Variants in PPARA observed in about 807,000 individuals in gnomAD.
The protein encoded by PPARA is peroxisome proliferator-activated receptor alpha.
In PPARA, 22 loss-of-function variants were observed where a neutral mutation model predicts 42.2. The observed-to-expected ratio is 0.52, with a 90% CI of 0.37 to 0.74. The LOEUF is 0.74. Ranked by LOEUF, PPARA falls within the 30% of genes least tolerant of loss-of-function variation. The pLI is 0.00. For synonymous variants in PPARA, 242 were observed against 239.3 expected (o/e 1.01, Z -0.10); for missense variants, 465 against 608.2 (o/e 0.76, Z 2.48).
In PPARA at chr22:46,230,419, T is replaced by A. The variant is rs1935788071; in HGVS notation, c.712-1373T>A. Among the ~76,000 whole-genome samples the A allele has an allele frequency of 6.6e-6, 1 of 152,162 alleles. No homozygotes were observed. Among genetic ancestry groups the A allele is most frequent in the Non-Finnish European group, 1.5e-5 (1 of 68,028 alleles). ...TAGCCCACTGCATTATTGACCTGTGTCTGCATGAGCTGTGGACCACATTAT... is the reference window on the plus strand; with the variant it reads ...TAGCCCACTGCATTATTGACCTGTGACTGCATGAGCTGTGGACCACATTAT... On this transcript the variant is annotated intron_variant, in intron 7 of 8. Coordinates refer to ENST00000407236, the MANE Select transcript of PPARA (RefSeq NM_005036.6). This position sits in a 1 kb window ranked among gnomAD's most constrained non-coding sequence, Gnocchi z 5.0.
At position 46,233,148 on chromosome 22, in the gene PPARA, A is replaced by G. The variant is rs573349603; in HGVS notation, c.1159+909A>G. ...GACAATATTGTATGAAGTGCTATACAGATGTCAGTATAGTTGCTGTCACAG... is the reference window on the plus strand; with the variant it reads ...GACAATATTGTATGAAGTGCTATACGGATGTCAGTATAGTTGCTGTCACAG... On this transcript the variant is annotated intron_variant, in intron 8 of 8. Transcript: ENST00000407236. The surrounding 1 kb of genome is among the most constrained non-coding windows in gnomAD (Gnocchi z 7.3). 6.6e-6 allele frequency among the ~76,000 whole-genome samples: 1 copy of G among 152,206 alleles called. No individual in the cohort carries two copies. Among genetic ancestry groups the G allele is most frequent in the East Asian group, 1.9e-4 (1 of 5,196 alleles).
intron 4 of PPARA, 82 bp from the exon 5 acceptor site, chr22:46,215,091 G>A (rs945771595): frequency 1.8e-5 from 28 of 1,549,618 alleles, no homozygotes; most frequent in Admixed American, 8.4e-5. Context: ...CCTCGTATGC[G>A]AAATCACATC....
chr22:46,190,755 TAA>T lies in PPARA; in HGVS notation c.-42-7582_-42-7581del, dbSNP rs1347092971. Among the ~76,000 whole-genome samples the T allele has an allele frequency of 1.3e-5, 2 of 151,470 alleles. No homozygotes were observed. The highest frequency in any genetic ancestry group is 2.9e-5 in the Non-Finnish European group (2 of 67,804). ...ACAGAGAGAGACTCTGTCTCAAAAATAAAAAAGTTTTGAGTGTGAAAATTCAA... is the reference window on the plus strand; with the variant it reads ...ACAGAGAGAGACTCTGTCTCAAAAATAAAAGTTTTGAGTGTGAAAATTCAA... On this transcript the variant is annotated intron_variant, in intron 3 of 8. Coordinates refer to ENST00000407236, the MANE Select transcript of PPARA (RefSeq NM_005036.6). The surrounding 1 kb of genome is among the most constrained non-coding windows in gnomAD (Gnocchi z 5.6).
chr22:46,176,006 G>A (rs1928988960), intron 2 of PPARA: 1 of 152,150 alleles, frequency 6.6e-6, no homozygotes, highest in Non-Finnish European at 1.5e-5. Flanking sequence ...CAGGCACGGT[G>A]GCTCACACCT....
In PPARA at chr22:46,182,756, A is replaced by T. The variant is rs1488078819; in HGVS notation, c.-43+5920A>T. Among the ~76,000 whole-genome samples the T allele has an allele frequency of 6.6e-6, 1 of 151,966 alleles. No individual in the cohort carries two copies. Among genetic ancestry groups the T allele is most frequent in the Non-Finnish European group, 1.5e-5 (1 of 67,988 alleles). On this transcript the variant is annotated intron_variant, in intron 3 of 8. Coordinates refer to ENST00000407236, the MANE Select transcript of PPARA (RefSeq NM_005036.6). This position sits in a 1 kb window ranked among gnomAD's most constrained non-coding sequence, Gnocchi z 5.2. ...TCTTTTGTTGTTTTGTTTTTATTTT[A>T]TTTTTTGAGACAGAGTCTCGCTCCA...
rs1357720249 is a variant in PPARA, at chr22:46,242,987, G to C, written c.*7607G>C. The C allele has an allele frequency of 6.6e-6, 1 of 152,652 alleles. No homozygotes were observed. The highest frequency in any genetic ancestry group is 2.4e-5 in the African/African-American group (1 of 41,448). 9.5% of individuals were successfully genotyped at this position (152,652 alleles called of 1,614,324 possible). ...ATAGCTGTCTGCTCTTCAGGGAACT[G>C]TTACCTATGGGTTATTACCAAAGAA... On this transcript the variant is annotated 3_prime_UTR_variant, in exon 9 of 9. Transcript: ENST00000407236. This position sits in a 1 kb window ranked among gnomAD's most constrained non-coding sequence, Gnocchi z 6.1.
Position 46,241,713 on chromosome 22 carries a change from G to A in PPARA, c.*6333G>A, listed in dbSNP as rs1214709546. On this transcript the variant is annotated 3_prime_UTR_variant, in exon 9 of 9. Coordinates refer to ENST00000407236, the MANE Select transcript of PPARA (RefSeq NM_005036.6). This position sits in a 1 kb window ranked among gnomAD's most constrained non-coding sequence, Gnocchi z 5.7. ...ATAATCAGTTACTTTTCTCCCCCCA[G>A]AGAAACCCTTTTGTGAGGGGAGAGG... The A allele has an allele frequency of 1.3e-5, 2 of 152,154 alleles. No homozygotes were observed. Among genetic ancestry groups the A allele is most frequent in the African/African-American group, 4.8e-5 (2 of 41,416 alleles). 9.4% of individuals were successfully genotyped at this position (152,154 alleles called of 1,614,324 possible).
At position 46,212,486 on chromosome 22, in the gene PPARA, T is replaced by C. The variant is rs1398982814; in HGVS notation, c.209-2687T>C. Among the ~76,000 whole-genome samples the C allele has an allele frequency of 6.6e-6, 1 of 152,226 alleles. No homozygotes were observed. Among genetic ancestry groups the C allele is most frequent in the Non-Finnish European group, 1.5e-5 (1 of 68,042 alleles). On this transcript the variant is annotated intron_variant, in intron 4 of 8. Transcript: ENST00000407236. This position sits in a 1 kb window ranked among gnomAD's most constrained non-coding sequence, Gnocchi z 4.2. ...TTTTACCATTGCTATAATTTTGCCT[T>C]TTCCAGAACGCCATGAATTTGAAAT...
rs1257383476 is a variant in PPARA, at chr22:46,203,484, G to A, written c.208+4893G>A. Among the ~76,000 whole-genome samples, 1 of 152,112 alleles carries A rather than the reference G, an allele frequency of 6.6e-6. No individual in the cohort carries two copies. The highest frequency in any genetic ancestry group is 6.6e-5 in the Admixed American group (1 of 15,244). On this transcript the variant is annotated intron_variant, in intron 4 of 8. Transcript: ENST00000407236. The surrounding 1 kb of genome is among the most constrained non-coding windows in gnomAD (Gnocchi z 5.8). ...CAATCTGTTGGGTGTACACACACAC[G>A]CATCTGTGAAACCATCATCACACTC...
rs1258764385 is a variant in PPARA, at chr22:46,211,967, C to T, written c.209-3206C>T. On this transcript the variant is annotated intron_variant, in intron 4 of 8. Transcript: ENST00000407236. The surrounding 1 kb of genome is among the most constrained non-coding windows in gnomAD (Gnocchi z 4.1). ...TCGGCCTCCCAAAGTGTTGGGATTACAGGCGTGAGCCACCACACCCGGTCT... is the reference window on the plus strand; with the variant it reads ...TCGGCCTCCCAAAGTGTTGGGATTATAGGCGTGAGCCACCACACCCGGTCT... 6.6e-6 allele frequency among the ~76,000 whole-genome samples: 1 copy of T among 152,030 alleles called. No homozygotes were observed. The highest frequency in any genetic ancestry group is 1.5e-5 in the Non-Finnish European group (1 of 67,990).
chr22:46,192,567 TTTAG>T lies in PPARA; in HGVS notation c.-42-5769_-42-5766del, dbSNP rs1931710466. Among the ~76,000 whole-genome samples the T allele has an allele frequency of 6.6e-6, 1 of 152,238 alleles. No homozygotes were observed. The highest frequency in any genetic ancestry group is 1.5e-5 in the Non-Finnish European group (1 of 68,044). ...AAAGGAATATTTTGATTGATAAATG[TTTAG>T]TTAGTAAGACCTAAAAACTGAATCT... On this transcript the variant is annotated intron_variant, in intron 3 of 8. Coordinates refer to ENST00000407236, the MANE Select transcript of PPARA (RefSeq NM_005036.6). This position sits in a 1 kb window ranked among gnomAD's most constrained non-coding sequence, Gnocchi z 4.3.
Position 46,150,559 on chromosome 22 carries a change from G to A in PPARA, c.-303G>A, listed in dbSNP as rs1371281061. On this transcript the variant is annotated 5_prime_UTR_variant, in exon 1 of 9. Coordinates refer to ENST00000407236, the MANE Select transcript of PPARA (RefSeq NM_005036.6). The surrounding 1 kb of genome is among the most constrained non-coding windows in gnomAD (Gnocchi z 7.5). ...GGCGGCCCCGCGGCGGGGGCAGCGG[G>A]CGGCGGGGGCGGAGGCGGCCGCTAG... The A allele has an allele frequency of 6.9e-6, 1 of 145,832 alleles. No individual in the cohort carries two copies. Among genetic ancestry groups the A allele is most frequent in the African/African-American group, 2.5e-5 (1 of 40,702 alleles). The allele number at this position is 145,832 out of a possible 1,614,324, so 9.0% of individuals were successfully genotyped here.
At chr22:46,215,452 T>C in intron 5 of PPARA, 119 bp downstream of exon 5, 1 of 1,368,688 alleles carries the variant, frequency 7.3e-7, no homozygotes, top group South Asian at 1.2e-5. Flanking sequence ...AGAAACTGAC[T>C]TCAGGCCAGG....
Position 46,240,531 on chromosome 22 carries a change from CCTT to C in PPARA, c.*5155_*5157del, listed in dbSNP as rs764951247. 32 of 326,738 alleles carry C rather than the reference CCTT, an allele frequency of 9.8e-5. No homozygotes were observed. In the East Asian group the frequency reaches 1.3e-3, roughly 13 times the overall value. The allele number at this position is 326,738 out of a possible 1,614,324, so 20.2% of individuals were successfully genotyped here. The stretch of plus-strand genomic sequence containing the variant: ...GGATCCCGAGGGATTACTTTTTAGA[CCTT>C]CTTTCACATTCAGAAAAGTAGTATA... On this transcript the variant is annotated 3_prime_UTR_variant, in exon 9 of 9. Transcript: ENST00000407236. The surrounding 1 kb of genome is among the most constrained non-coding windows in gnomAD (Gnocchi z 6.0).
intron 2 of PPARA, among the ~76,000 whole-genome samples, chr22:46,169,374 A>C (rs143116010): frequency 0.064 from 9,801 of 151,988 alleles, 1,045 homozygotes; most frequent in African/African-American, 0.22. Flanking sequence ...AGCTGGGACT[A>C]CAGGCGCCCG....
In PPARA at chr22:46,204,209, A is replaced by T. The variant is rs936507871; in HGVS notation, c.208+5618A>T. ...ATCAATAGTTCATTCTTCATCCATC[A>T]TGTGGACATAGCACAGTTTGCTGAT... On this transcript the variant is annotated intron_variant, in intron 4 of 8. Transcript: ENST00000407236. This position sits in a 1 kb window ranked among gnomAD's most constrained non-coding sequence, Gnocchi z 5.2. Among the ~76,000 whole-genome samples the T allele has an allele frequency of 6.6e-6, 1 of 152,206 alleles. No homozygotes were observed. The highest frequency in any genetic ancestry group is 6.5e-5 in the Admixed American group (1 of 15,282).
rs556756611 is a variant in PPARA at position 46,187,864 on chromosome 22, G to A, written c.-42-10478G>A. Among the ~76,000 whole-genome samples, 26 of 152,328 alleles carry A rather than the reference G, an allele frequency of 1.7e-4. No homozygotes were observed. The highest frequency in any genetic ancestry group is 6.3e-4 in the African/African-American group (26 of 41,570). Reference sequence around the variant, plus strand: ...ACCTCTTGGATCTGGCTTGCCTTGTGACTTGCTTTGACCCACAGAACGTAA... The same window carrying A: ...ACCTCTTGGATCTGGCTTGCCTTGTAACTTGCTTTGACCCACAGAACGTAA... On this transcript the variant is annotated intron_variant, in intron 3 of 8. Coordinates refer to ENST00000407236, the MANE Select transcript of PPARA (RefSeq NM_005036.6). This position sits in a 1 kb window ranked among gnomAD's most constrained non-coding sequence, Gnocchi z 4.9.
chr22:46,194,270 C>G (rs1450203750), intron 3 of PPARA, among the ~76,000 whole-genome samples: 2 of 152,212 alleles, frequency 1.3e-5, no homozygotes, highest in Non-Finnish European at 2.9e-5. Context: ...GAGATTGTAT[C>G]TTGGTTAGCT....
At position 46,208,918 on chromosome 22, in the gene PPARA, G is replaced by A. The variant is rs545007160; in HGVS notation, c.209-6255G>A. ...AGTATTCGTGTGTGTGTGTGTGTGCGTGTGTGTGTGTGTGTGTATCACATT... is the reference window on the plus strand; with the variant it reads ...AGTATTCGTGTGTGTGTGTGTGTGCATGTGTGTGTGTGTGTGTATCACATT... On this transcript the variant is annotated intron_variant, in intron 4 of 8. Coordinates refer to ENST00000407236, the MANE Select transcript of PPARA (RefSeq NM_005036.6). Among the ~76,000 whole-genome samples the A allele has an allele frequency of 3.8e-3, 470 of 123,066 alleles. 1 individual carries two copies. Among genetic ancestry groups the A allele is most frequent in the Non-Finnish European group, 5.7e-3 (375 of 66,136 alleles). The allele number at this position is 123,066 out of a possible 152,430, so 80.7% of individuals were successfully genotyped here.
Sources: allele counts gnomAD v4.1 joint callset (sites outside exome capture counted in the v4.1 genomes callset), GRCh38; gene constraint gnomAD v4.1.1; non-coding constraint Gnocchi (gnomAD v3.1); transcripts MANE v1.5; gene names NCBI Gene and HGNC (gene_info 2026-07-23, HGNC 2026-07-21).